The following PDX1 variants were observed in gnomAD, a reference collection of about 807,000 sequenced individuals.
The protein encoded by PDX1 is pancreatic and duodenal homeobox 1.
In PDX1, 7 loss-of-function variants were observed where a neutral mutation model predicts 11.1. The observed-to-expected ratio is 0.63, with a 90% CI of 0.36 to 1.19. The LOEUF (loss-of-function observed/expected upper bound fraction) is 1.19. Among genes scored for constraint, PDX1 ranks in the 50% most tolerant of loss-of-function variants. The pLI is 0.02. For synonymous variants in PDX1, 232 were observed against 196.2 expected, an observed-to-expected ratio of 1.18 and a Z score of -1.53; for missense variants, 449 against 412.1, an observed-to-expected ratio of 1.09 and a Z score of -0.78.
At position 27,924,957 on chromosome 13, in the gene PDX1, T is replaced by C; in HGVS notation, c.*256T>C. On this transcript the variant is annotated 3_prime_UTR_variant, in exon 2 of 2. Coordinates refer to ENST00000381033, the MANE Select transcript of PDX1 (RefSeq NM_000209.4). This position sits in a 1 kb window ranked among gnomAD's most constrained non-coding sequence, Gnocchi z 4.8. ...TTGTAGTATTGGGGCCCTCTTTTAG[T>C]GATACTGGATTGGCGTTGTTTGTGG... 2.4e-6 allele frequency: 1 copy of C among 412,544 alleles called. No homozygotes were observed. Among genetic ancestry groups the C allele is most frequent in the East Asian group, 3.9e-5 (1 of 25,530 alleles). The allele number at this position is 412,544 out of a possible 1,614,324, so 25.6% of individuals were successfully genotyped here.
chr13:27,925,641 T>C lies in PDX1; in HGVS notation c.*940T>C. The C allele has an allele frequency of 5.1e-6, 1 of 194,578 alleles. No individual in the cohort carries two copies. Among genetic ancestry groups the C allele is most frequent in the Non-Finnish European group, 1.1e-5 (1 of 93,986 alleles). 12.1% of individuals were successfully genotyped at this position (194,578 alleles called of 1,614,324 possible). A position where few individuals can be genotyped will look rare whatever the true frequency, so the allele number is the denominator to read the frequency against. ...CTCCTCCTCCTCCTTCTACCTCCCC[T>C]TCTCATCCCTCCTCTTCCTCTTCTC... On this transcript the variant is annotated 3_prime_UTR_variant, in exon 2 of 2. Transcript: ENST00000381033.
chr13:27,924,498 G>T lies in PDX1; in HGVS notation c.649G>T (p.Gly217Cys), dbSNP rs751672722. 2 of 1,611,976 alleles carry T rather than the reference G, an allele frequency of 1.2e-6. No individual in the cohort carries two copies. Among genetic ancestry groups the T allele is most frequent in the South Asian group, 1.1e-5 (1 of 91,010 alleles). The change falls in exon 2 of 2, where the codon GGT becomes TGT. Residue 217 changes from glycine to cysteine, a missense_variant. Gly to Cys is a radical substitution (Grantham distance 159, BLOSUM62 -3). Around this residue, in one of 3 missense-constraint regions of PDX1, gnomAD observed 139 missense variants for 121.4 expected, o/e 1.14. Transcript: ENST00000381033. This position sits in a 1 kb window ranked among gnomAD's most constrained non-coding sequence, Gnocchi z 4.8. ...GCGCGGCGGCGGGACAGCTGTCGGG[G>T]GTGGCGGGGTCGCGGAGCCTGAGCA... ...KKRGGGTAVG[G>C]GGVAEPEQDC...
intron 1 of PDX1, among the ~76,000 whole-genome samples, chr13:27,920,818 GC>G (rs1957780985): frequency 6.6e-6 from 1 of 152,190 alleles, no homozygotes; most frequent in African/African-American, 2.4e-5. Context: ...CGCTCCCAGC[GC>G]CATCCTTAGA....
Position 27,920,078 on chromosome 13 carries a change from C to G in PDX1, c.-61C>G. ...GCCACACAGTGCCAAATCCCCGGCT[C>G]CAGCTCCCGACTCCCGGCTCCCGGC... On this transcript the variant is annotated 5_prime_UTR_variant, in exon 1 of 2. Transcript: ENST00000381033. The G allele has an allele frequency of 1.3e-6, 2 of 1,543,874 alleles. No individual in the cohort carries two copies. Among genetic ancestry groups the G allele is most frequent in the Non-Finnish European group, 1.8e-6 (2 of 1,142,610 alleles).
intron 1 of PDX1, among the ~76,000 whole-genome samples, chr13:27,923,021 A>G (rs1593169793): frequency 6.6e-6 from 1 of 151,848 alleles, no homozygotes; most frequent in Non-Finnish European, 1.5e-5. Flanking sequence ...CGCGAAATTA[A>G]ACCCGCCCCC....
chr13:27,924,702 G>C lies in PDX1; in HGVS notation c.*1G>C. On this transcript the variant is annotated 3_prime_UTR_variant, in exon 2 of 2. Coordinates refer to ENST00000381033, the MANE Select transcript of PDX1 (RefSeq NM_000209.4). This position sits in a 1 kb window ranked among gnomAD's most constrained non-coding sequence, Gnocchi z 4.8. The stretch of plus-strand genomic sequence containing the variant: ...TCGGCGGCCGCAGGAACCACGATGA[G>C]AGGCAGGAGCTGCTCCTGGCTGAGG... The C allele has an allele frequency of 6.8e-7, 1 of 1,472,604 alleles. No individual in the cohort carries two copies. Among genetic ancestry groups the C allele is most frequent in the African/African-American group, 1.5e-5 (1 of 68,758 alleles). The allele number at this position is 1,472,604 out of a possible 1,614,324, so 91.2% of individuals were successfully genotyped here.
rs201343646 is a variant in PDX1, at chr13:27,924,508, T to A, written c.659T>A (p.Val220Asp). The change falls in exon 2 of 2, where the codon GTC becomes GAC. Residue 220 changes from valine (V) to aspartate (D), a missense_variant. By Grantham distance (152) the Val-to-Asp change is radical. This residue lies in a region of PDX1 where 139 missense variants were observed against 121.4 expected (regional missense o/e 1.14). Transcript: ENST00000381033. This position sits in a 1 kb window ranked among gnomAD's most constrained non-coding sequence, Gnocchi z 4.8. Reference sequence around the variant, plus strand: ...GGGACAGCTGTCGGGGGTGGCGGGGTCGCGGAGCCTGAGCAGGACTGCGCC... The same window carrying A: ...GGGACAGCTGTCGGGGGTGGCGGGGACGCGGAGCCTGAGCAGGACTGCGCC... Reference protein sequence around the residue: ...GGGTAVGGGGVAEPEQDCAVT... With the variant: ...GGGTAVGGGGDAEPEQDCAVT... 17 of 1,609,666 alleles carry A rather than the reference T, an allele frequency of 1.1e-5. No individual in the cohort carries two copies. The East Asian group carries it at 3.8e-4, about 36-fold the overall frequency.
chr13:27,924,842 G>A lies in PDX1; in HGVS notation c.*141G>A. The A allele has an allele frequency of 1.5e-6, 1 of 675,584 alleles. No homozygotes were observed. Among genetic ancestry groups the A allele is most frequent in the Non-Finnish European group, 2.1e-6 (1 of 471,098 alleles). 41.8% of individuals were successfully genotyped at this position (675,584 alleles called of 1,614,324 possible). ...TGCGGGGCCCACCTTAGACCGAAGG[G>A]GAAAACCCGCTCTCTCAGGCGCATG... On this transcript the variant is annotated 3_prime_UTR_variant, in exon 2 of 2. Coordinates refer to ENST00000381033, the MANE Select transcript of PDX1 (RefSeq NM_000209.4). This position sits in a 1 kb window ranked among gnomAD's most constrained non-coding sequence, Gnocchi z 4.8.
In PDX1 at chr13:27,924,243, G is replaced by T; in HGVS notation, c.407-13G>T. Reference sequence around the variant, plus strand: ...GCTCCGGGGGCCACACTCACGCCCTGTGTCGCCCGCAGGCGGCGCCTACGC... The same window carrying T: ...GCTCCGGGGGCCACACTCACGCCCTTTGTCGCCCGCAGGCGGCGCCTACGC... On this transcript the variant is annotated splice_polypyrimidine_tract_variant and intron_variant, in intron 1 of 1. Transcript: ENST00000381033. The surrounding 1 kb of genome is among the most constrained non-coding windows in gnomAD (Gnocchi z 4.8). The T allele has an allele frequency of 1.3e-6, 2 of 1,579,948 alleles. No homozygotes were observed. The highest frequency in any genetic ancestry group is 1.7e-6 in the Non-Finnish European group (2 of 1,164,174).
In PDX1 at chr13:27,920,272, C is replaced by T; in HGVS notation, c.134C>T (p.Pro45Leu). The T allele has an allele frequency of 6.5e-7, 1 of 1,541,100 alleles. No individual in the cohort carries two copies. Among genetic ancestry groups the T allele is most frequent in the Non-Finnish European group, 8.7e-7 (1 of 1,143,186 alleles). ...CLYMGRQPPP[P>L]PPHPFPGALG... Reference sequence around the variant, plus strand: ...TACATGGGCCGCCAGCCCCCGCCGCCGCCGCCGCACCCGTTCCCTGGCGCC... The same window carrying T: ...TACATGGGCCGCCAGCCCCCGCCGCTGCCGCCGCACCCGTTCCCTGGCGCC... The change falls in exon 1 of 2, where the codon CCG becomes CTG. Residue 45 changes from proline to leucine, a missense_variant. By Grantham distance (98) the Pro-to-Leu change is moderately conservative. Coordinates refer to ENST00000381033, the MANE Select transcript of PDX1 (RefSeq NM_000209.4).
Position 27,920,422 on chromosome 13 carries a change from C to CGGAGGGA in PDX1, c.285_286insGAGGGAG (p.Pro96GlufsTer131), listed in dbSNP as rs746180578. 1 of 1,567,976 alleles carries CGGAGGGA rather than the reference C, an allele frequency of 6.4e-7. No homozygotes were observed. The highest frequency in any genetic ancestry group is 1.2e-5 in the South Asian group (1 of 85,900). On this transcript the variant is annotated frameshift_variant, in exon 1 of 2. Coordinates refer to ENST00000381033, the MANE Select transcript of PDX1 (RefSeq NM_000209.4). LOFTEE classifies it high-confidence loss of function. ...CCGGCTCAGCTCGCGCTCCCCCACC[C>CGGAGGGA]GCCCGCCGGGCCCTTCCCGGAGGGA...
rs546786946 is a variant in PDX1 at position 27,920,399 on chromosome 13, G to A, written c.261G>A (p.Pro87=). The change falls in exon 1 of 2, where the codon CCG becomes CCA. Residue 87 remains proline (P), a synonymous_variant. Coordinates refer to ENST00000381033, the MANE Select transcript of PDX1 (RefSeq NM_000209.4). ...PAVAHLHHHL[P]AQLALPHPPA... Reference sequence around the variant, plus strand: ...TGGCGCACCTTCACCACCACCTCCCGGCTCAGCTCGCGCTCCCCCACCCGC... The same window carrying A: ...TGGCGCACCTTCACCACCACCTCCCAGCTCAGCTCGCGCTCCCCCACCCGC... 3.9e-6 allele frequency: 6 copies of A among 1,552,792 alleles called. No homozygotes were observed. In the African/African-American group the frequency reaches 5.5e-5, roughly 14 times the overall value.
Position 27,920,027 on chromosome 13 carries a change from G to T in PDX1, c.-112G>T. The T allele has an allele frequency of 7.5e-7, 1 of 1,340,028 alleles. No individual in the cohort carries two copies. The allele number at this position is 1,340,028 out of a possible 1,614,324, so 83.0% of individuals were successfully genotyped here. On this transcript the variant is annotated 5_prime_UTR_variant, in exon 1 of 2. Coordinates refer to ENST00000381033, the MANE Select transcript of PDX1 (RefSeq NM_000209.4). ...GATCAGTGCGGAGCTGTCAAAGCGA[G>T]CAGGGGTGGCGCCGGGAGTGGGAAC...
chr13:27,923,570 G>A (rs1957802660), intron 1 of PDX1, among the ~76,000 whole-genome samples: 1 of 152,200 alleles, frequency 6.6e-6, no homozygotes, highest in Non-Finnish European at 1.5e-5. Flanking sequence ...GGAAACACAT[G>A]GTCAGATATA....
chr13:27,920,226 G>T lies in PDX1; in HGVS notation c.88G>T (p.Ala30Ser). The change falls in exon 1 of 2, where the codon GCC (alanine) becomes TCC (serine). Residue 30 changes from alanine to serine, a missense_variant. Ala to Ser is a moderately conservative substitution (Grantham distance 99). Coordinates refer to ENST00000381033, the MANE Select transcript of PDX1 (RefSeq NM_000209.4). ...FQRGPAPEFS[A>S]SPPACLYMGR... ...GCGAGGCCCGGCGCCGGAGTTCAGC[G>T]CCAGCCCCCCTGCGTGCCTGTACAT... 1 of 1,548,744 alleles carries T rather than the reference G, an allele frequency of 6.5e-7. No individual in the cohort carries two copies. Among genetic ancestry groups the T allele is most frequent in the Non-Finnish European group, 8.7e-7 (1 of 1,146,188 alleles).
intron 1 of PDX1, among the ~76,000 whole-genome samples, chr13:27,923,524 C>T (rs1341771978): frequency 6.6e-6 from 1 of 152,240 alleles, no homozygotes; most frequent in East Asian, 1.9e-4. Flanking sequence ...TGCTGGCTCT[C>T]AGGTTGGGAC....
In PDX1 at chr13:27,920,128, G is replaced by C; in HGVS notation, c.-11G>C. The C allele has an allele frequency of 6.5e-7, 1 of 1,549,394 alleles. No individual in the cohort carries two copies. ...CTCCCGGCTCCCGGTGCCCAATCCC[G>C]GGCCGCAGCCATGAACGGCGAGGAG... On this transcript the variant is annotated 5_prime_UTR_variant, in exon 1 of 2. Coordinates refer to ENST00000381033, the MANE Select transcript of PDX1 (RefSeq NM_000209.4).
At position 27,924,983 on chromosome 13, in the gene PDX1, C is replaced by T; in HGVS notation, c.*282C>T. 1 of 377,622 alleles carries T rather than the reference C, an allele frequency of 2.6e-6. No homozygotes were observed. Among genetic ancestry groups the T allele is most frequent in the Admixed American group, 4.7e-5 (1 of 21,128 alleles). 23.4% of individuals were successfully genotyped at this position (377,622 alleles called of 1,614,324 possible). A position where few individuals can be genotyped will look rare whatever the true frequency, so the allele number is the denominator to read the frequency against. ...GATACTGGATTGGCGTTGTTTGTGG[C>T]TGTTGCGCACATCCCTGCCCTCCTA... On this transcript the variant is annotated 3_prime_UTR_variant, in exon 2 of 2. Coordinates refer to ENST00000381033, the MANE Select transcript of PDX1 (RefSeq NM_000209.4). The surrounding 1 kb of genome is among the most constrained non-coding windows in gnomAD (Gnocchi z 4.8).
chr13:27,920,665 A>G, intron 1 of PDX1, 121 bp downstream of exon 1: 1 of 1,030,464 alleles, frequency 9.7e-7, no homozygotes, highest in Non-Finnish European at 1.5e-6. Flanking sequence ...GTCGGACTAA[A>G]CTACATCAGG....
Sources: allele counts gnomAD v4.1 joint callset (sites outside exome capture counted in the v4.1 genomes callset), GRCh38; gene constraint gnomAD v4.1.1; regional missense constraint gnomAD v4.1.1; non-coding constraint Gnocchi (gnomAD v3.1); transcripts MANE v1.5; gene names NCBI Gene and HGNC (gene_info 2026-07-23, HGNC 2026-07-21).